The following PRIMA1 variants were observed in gnomAD, a reference collection of about 807,000 sequenced individuals.
The protein encoded by PRIMA1 is proline-rich membrane anchor 1.
PRIMA1 carries 7 observed loss-of-function variants against 17.5 expected under a neutral mutation model. The observed-to-expected ratio is 0.40, with a 90% confidence interval of 0.23 to 0.75. The LOEUF (loss-of-function observed/expected upper bound fraction) is 0.75. Among genes scored for constraint, PRIMA1 ranks in the 30% least tolerant of loss-of-function variants. The pLI is 0.37. For missense variants in PRIMA1, 200 were observed against 201.8 expected (o/e 0.99, Z 0.05); for synonymous variants, 97 against 77.9 (o/e 1.25, Z -1.29).
rs543216240 is a variant in PRIMA1 at position 93,720,681 on chromosome 14, T to A, written c.*763A>T. ...GAGTCTGAGGACAGGTGCAGTGGCC[T>A]CTGCCCTTGCCCAGTGGCCCTGGGC... On this transcript the variant is annotated 3_prime_UTR_variant, in exon 5 of 5. Transcript: ENST00000393140. The A allele has an allele frequency of 3.1e-4, 47 of 152,902 alleles. No individual in the cohort carries two copies. The highest frequency in any genetic ancestry group is 1.1e-3 in the African/African-American group (47 of 41,584). The allele number at this position is 152,902 out of a possible 1,614,324, so 9.5% of individuals were successfully genotyped here. A position where few individuals can be genotyped will look rare whatever the true frequency, so the allele number is the denominator to read the frequency against.
At chr14:93,762,473 C>A (rs369613041) in intron 3 of PRIMA1, among the ~76,000 whole-genome samples, 213 of 152,066 alleles carry the variant, frequency 1.4e-3, no homozygotes, top group African/African-American at 4.5e-3. Flanking sequence ...TTCTCTGTGC[C>A]CTGTCCTGTT....
intron 4 of PRIMA1, among the ~76,000 whole-genome samples, chr14:93,724,118 C>G (rs2076060040): frequency 6.6e-6 from 1 of 152,136 alleles, no homozygotes; most frequent in African/African-American, 2.4e-5. Context: ...CTCCTGGCCT[C>G]AAGTGATCCT....
intron 3 of PRIMA1, among the ~76,000 whole-genome samples, chr14:93,775,721 T>C (rs558947142): frequency 1.2e-3 from 176 of 152,378 alleles, no homozygotes; most frequent in Admixed American, 2.1e-3. Context: ...TCTCCACCAC[T>C]GGTCTAATCC....
intron 3 of PRIMA1, among the ~76,000 whole-genome samples, chr14:93,774,139 C>T (rs1885142778): frequency 6.6e-6 from 1 of 151,986 alleles, no homozygotes; most frequent in Admixed American, 6.6e-5. Context: ...AAACAAACAC[C>T]CCCAAAATAA....
At chr14:93,753,424 A>G (rs1388794945) in intron 3 of PRIMA1, among the ~76,000 whole-genome samples, 1 of 152,218 alleles carries the variant, frequency 6.6e-6, no homozygotes, top group Non-Finnish European at 1.5e-5. Flanking sequence ...CAAGGAACCC[A>G]TTCACTCTTG....
chr14:93,742,238 A>G (rs950886253), intron 3 of PRIMA1, among the ~76,000 whole-genome samples: 3 of 152,208 alleles, frequency 2.0e-5, no homozygotes, highest in Non-Finnish European at 2.9e-5. Flanking sequence ...GAGTCCTACC[A>G]TAGGCCCAGC....
In PRIMA1 at chr14:93,779,233, G is replaced by GGGGGC; in HGVS notation, c.171_172insGCCCC (p.Pro58AlafsTer39). ...GGTGGGGGCGGCGGGGGCAGCGGGG[G>GGGGGC]AGGGGGCCGGCACTGGCAGACGTGT... On this transcript the variant is annotated frameshift_variant, in exon 3 of 5. Transcript: ENST00000393140. LOFTEE classifies it high-confidence loss of function. 2.7e-6 allele frequency: 3 copies of GGGGGC among 1,094,112 alleles called. No individual in the cohort carries two copies. Among genetic ancestry groups the GGGGGC allele is most frequent in the Non-Finnish European group, 3.9e-6 (3 of 775,658 alleles). 67.8% of individuals were successfully genotyped at this position (1,094,112 alleles called of 1,614,324 possible). A position where few individuals can be genotyped will look rare whatever the true frequency, so the allele number is the denominator to read the frequency against.
In PRIMA1 at chr14:93,755,695, T is replaced by C. The variant is rs539000696; in HGVS notation, c.230-18325A>G. On this transcript the variant is annotated intron_variant, in intron 3 of 4. Transcript: ENST00000393140. ...TTCCAGAACACACCCAGACAAGGCA[T>C]GTACAGCCCTTTTCCAGTACTTCTG... 2.6e-5 allele frequency among the ~76,000 whole-genome samples: 4 copies of C among 152,310 alleles called. No homozygotes were observed. The East Asian group carries it at 5.8e-4, about 22-fold the overall frequency.
At position 93,720,676 on chromosome 14, in the gene PRIMA1, T is replaced by C. The variant is rs1011357800; in HGVS notation, c.*768A>G. 1.3e-5 allele frequency: 2 copies of C among 152,756 alleles called. No homozygotes were observed. The highest frequency in any genetic ancestry group is 4.8e-5 in the African/African-American group (2 of 41,452). The allele number at this position is 152,756 out of a possible 1,614,324, so 9.5% of individuals were successfully genotyped here. A position where few individuals can be genotyped will look rare whatever the true frequency, so the allele number is the denominator to read the frequency against. Reference sequence around the variant, plus strand: ...GGGATGAGTCTGAGGACAGGTGCAGTGGCCTCTGCCCTTGCCCAGTGGCCC... The same window carrying C: ...GGGATGAGTCTGAGGACAGGTGCAGCGGCCTCTGCCCTTGCCCAGTGGCCC... On this transcript the variant is annotated 3_prime_UTR_variant, in exon 5 of 5. Coordinates refer to ENST00000393140, the MANE Select transcript of PRIMA1 (RefSeq NM_178013.4).
Position 93,720,579 on chromosome 14 carries a change from A to C in PRIMA1, c.*865T>G, listed in dbSNP as rs1215945195. 6.5e-6 allele frequency: 1 copy of C among 152,910 alleles called. No individual in the cohort carries two copies. Among genetic ancestry groups the C allele is most frequent in the African/African-American group, 2.4e-5 (1 of 41,448 alleles). The allele number at this position is 152,910 out of a possible 1,614,324, so 9.5% of individuals were successfully genotyped here. A position where few individuals can be genotyped will look rare whatever the true frequency, so the allele number is the denominator to read the frequency against. ...GCAGGCCCACAGTGGATTTGGCACA[A>C]GTAGTGGCCTCTGCTGACTAAGGCA... On this transcript the variant is annotated 3_prime_UTR_variant, in exon 5 of 5. Transcript: ENST00000393140.
In PRIMA1 at chr14:93,733,969, A is replaced by C. The variant is rs781488964; in HGVS notation, c.359+3272T>G. On this transcript the variant is annotated intron_variant, in intron 4 of 4. Coordinates refer to ENST00000393140, the MANE Select transcript of PRIMA1 (RefSeq NM_178013.4). The stretch of plus-strand genomic sequence containing the variant: ...TCTGCTGCCTCCTTCTCTCTCCACC[A>C]AGGGGTTAGGCCGCCCTCCCCAGCC... Among the ~76,000 whole-genome samples, 160 of 152,136 alleles carry C rather than the reference A, an allele frequency of 1.1e-3. 3 individuals carry two copies. The highest frequency in any genetic ancestry group is 1.2e-4 in the Non-Finnish European group (8 of 67,962).
chr14:93,718,799 G>A lies in PRIMA1; in HGVS notation c.*2645C>T, dbSNP rs1184534270. The A allele has an allele frequency of 6.6e-6, 1 of 152,510 alleles. No homozygotes were observed. The highest frequency in any genetic ancestry group is 1.5e-5 in the Non-Finnish European group (1 of 68,010). 9.4% of individuals were successfully genotyped at this position (152,510 alleles called of 1,614,324 possible). ...ATCCTATGATCTGAGTTCCAAAGTT[G>A]GGGTCAACTGTGAGACGGCTGGAAA... On this transcript the variant is annotated 3_prime_UTR_variant, in exon 5 of 5. Coordinates refer to ENST00000393140, the MANE Select transcript of PRIMA1 (RefSeq NM_178013.4).
chr14:93,745,266 G>A (rs2076209961), intron 3 of PRIMA1, among the ~76,000 whole-genome samples: 1 of 152,190 alleles, frequency 6.6e-6, no homozygotes, highest in Admixed American at 6.5e-5. Context: ...TGGTTTGGCA[G>A]GAAGTCAGAC....
chr14:93,755,235 T>C (rs1053175830), intron 3 of PRIMA1, among the ~76,000 whole-genome samples: 3 of 152,168 alleles, frequency 2.0e-5, no homozygotes, highest in African/African-American at 4.8e-5. Context: ...TGTGTGTATA[T>C]ATGTATCCTG....
rs140935735 is a variant in PRIMA1, at chr14:93,731,306, T to G, written c.359+5935A>C. 3.9e-5 allele frequency among the ~76,000 whole-genome samples: 6 copies of G among 152,154 alleles called. No homozygotes were observed. The East Asian group carries it at 1.2e-3, about 29-fold the overall frequency. On this transcript the variant is annotated intron_variant, in intron 4 of 4. Coordinates refer to ENST00000393140, the MANE Select transcript of PRIMA1 (RefSeq NM_178013.4). ...GATGGTGCTTAAAATGGAAAGAAAA[T>G]TTAAATAGCAGTATACACATCACTT...
intron 3 of PRIMA1, among the ~76,000 whole-genome samples, chr14:93,746,944 GT>G (rs1325720507): frequency 6.6e-6 from 1 of 152,184 alleles, no homozygotes; most frequent in African/African-American, 2.4e-5. Flanking sequence ...TGGGACGGGT[GT>G]GGAGGTCAGG....
chr14:93,738,277 C>T (rs1035411790), intron 3 of PRIMA1, among the ~76,000 whole-genome samples: 5 of 152,096 alleles, frequency 3.3e-5, no homozygotes, highest in African/African-American at 7.2e-5. Context: ...TCAGTGAGGC[C>T]GGTTCGCTTT....
chr14:93,743,888 T>G (rs1257896243), intron 3 of PRIMA1, among the ~76,000 whole-genome samples: 2 of 152,208 alleles, frequency 1.3e-5, no homozygotes, highest in Non-Finnish European at 2.9e-5. Context: ...TGCACGGGAC[T>G]CGGTGCGCGC....
At chr14:93,723,285 T>C (rs1157019893) in intron 4 of PRIMA1, among the ~76,000 whole-genome samples, 1 of 152,154 alleles carries the variant, frequency 6.6e-6, no homozygotes, top group East Asian at 1.9e-4. Flanking sequence ...GCTGGACACT[T>C]ATGGTCATTA....
Sources: gnomAD v4.1 joint callset for allele counts (sites outside exome capture counted in the v4.1 genomes callset) on GRCh38, gnomAD v4.1.1 for gene constraint, MANE v1.5 for transcripts, NCBI Gene and HGNC (gene_info 2026-07-23, HGNC 2026-07-21) for gene names.